Variants in UBA6 observed in about 807,000 individuals in gnomAD.
UBA6 encodes the protein ubiquitin like modifier activating enzyme 6.
UBA6 carries 87 observed loss-of-function variants against 148.3 expected under a neutral mutation model. The ratio of observed to expected loss-of-function variants is 0.59; its 90% CI spans 0.49 to 0.70. UBA6 has a LOEUF of 0.70. UBA6 is among the 30% of genes least tolerant of loss of function. The pLI, the probability that UBA6 is intolerant of heterozygous loss-of-function variation, is 0.00. For missense variants in UBA6, 1,186 were observed against 1,241.2 expected (o/e 0.96, Z 0.67); for synonymous variants, 376 against 401.0 (o/e 0.94, Z 0.75).
At chr4:67,684,786 T>A (rs1730518846) in intron 2 of UBA6, among the ~76,000 whole-genome samples, 1 of 152,248 alleles carries the variant, frequency 6.6e-6, no homozygotes, top group African/African-American at 2.4e-5. Context: ...TGTCTTTGTA[T>A]CTCAGTACCT....
chr4:67,700,325 G>A (rs1353947011), intron 1 of UBA6, among the ~76,000 whole-genome samples: 1 of 152,118 alleles, frequency 6.6e-6, no homozygotes, highest in East Asian at 1.9e-4. Context: ...TCTTTGGCAT[G>A]GTGTATTCTG....
At chr4:67,630,569 T>A (rs767073550) in intron 25 of UBA6, 34 bp from the exon 26 acceptor site, 1 of 1,427,890 alleles carries the variant, frequency 7.0e-7, no homozygotes, top group South Asian at 1.3e-5. Context: ...AAAATTTGAA[T>A]GTACAGTTTT....
intron 1 of UBA6, 41 bp downstream of exon 1, chr4:67,701,008 C>T (rs926935146): frequency 1.9e-6 from 3 of 1,601,432 alleles, no homozygotes; most frequent in Admixed American, 3.3e-5. Context: ...AGCCTGGGTC[C>T]CACCCGCGAC....
chr4:67,663,269 G>GT, intron 11 of UBA6, 54 bp from the exon 12 acceptor site: 2 of 1,168,408 alleles, frequency 1.7e-6, no homozygotes, highest in Non-Finnish European at 2.5e-6. Flanking sequence ...GTATGTCCCA[G>GT]GCACTGGGCT....
At position 67,639,063 on chromosome 4, in the gene UBA6, T is replaced by C. The variant is rs750143338; in HGVS notation, c.1616A>G (p.Asp539Gly). The C allele has an allele frequency of 2.5e-6, 4 of 1,613,522 alleles. No individual in the cohort carries two copies. Among genetic ancestry groups the C allele is most frequent in the Non-Finnish European group, 3.4e-6 (4 of 1,179,810 alleles). ...TLKINSQIKI[D>G]AHLNKVCPTT... ...TGGACATACTTTGTTCAGGTGTGCA[T>C]CTATCTTTATTTGAGAATTTATTTT... Residue 539 changes from aspartate (D) to glycine (G), a missense_variant, in exon 19 of 33, where the codon GAT becomes GGT. Asp to Gly is a moderately conservative substitution (Grantham distance 94, BLOSUM62 -1). Coordinates refer to ENST00000322244, the MANE Select transcript of UBA6 (RefSeq NM_018227.6).
intron 27 of UBA6, among the ~76,000 whole-genome samples, chr4:67,628,637 T>G (rs1006395082): frequency 6.6e-6 from 1 of 151,894 alleles, no homozygotes. Context: ...CCAAAATACA[T>G]TGGTCCAATG....
At chr4:67,626,648 TATGTTATTC>T (rs1289496619) in intron 27 of UBA6, among the ~76,000 whole-genome samples, 171 bp from the exon 28 acceptor site, 1 of 151,930 alleles carries the variant, frequency 6.6e-6, no homozygotes, top group Non-Finnish European at 1.5e-5. Flanking sequence ...AAGGTATTAT[TATGTTATTC>T]ATGTATGTAT....
intron 12 of UBA6, 25 bp downstream of exon 12, chr4:67,663,114 C>T (rs1189990577): frequency 6.4e-7 from 1 of 1,558,388 alleles, no homozygotes. Flanking sequence ...AAGGAAAATA[C>T]TTATTTTTAA....
intron 20 of UBA6, among the ~76,000 whole-genome samples, chr4:67,635,192 A>T (rs961778949): frequency 3.9e-5 from 6 of 152,106 alleles, no homozygotes; most frequent in African/African-American, 1.4e-4. Context: ...ACAATCTTAA[A>T]CTCAAAGGGT....
chr4:67,664,886 T>C (rs1008641054), intron 10 of UBA6, among the ~76,000 whole-genome samples: 5 of 152,160 alleles, frequency 3.3e-5, no homozygotes, highest in Non-Finnish European at 7.4e-5. Context: ...GTAATAAGTA[T>C]GATAAACTCT....
chr4:67,649,236 A>G lies in UBA6; in HGVS notation c.1105-25T>C, dbSNP rs1052416790. 2.1e-5 allele frequency: 34 copies of G among 1,594,130 alleles called. No individual in the cohort carries two copies. In the South Asian group the frequency reaches 2.8e-4, roughly 13 times the overall value. ...GCTAAAACAAAAGCCATAAAAGACAATAACATTAACAGCATTTACACAGTA... is the reference window on the plus strand; with the variant it reads ...GCTAAAACAAAAGCCATAAAAGACAGTAACATTAACAGCATTTACACAGTA... On this transcript the variant is annotated intron_variant, in intron 13 of 32. Coordinates refer to ENST00000322244, the MANE Select transcript of UBA6 (RefSeq NM_018227.6).
chr4:67,635,618 G>T lies in UBA6; in HGVS notation c.1737-60C>A. The stretch of plus-strand genomic sequence containing the variant: ...GTGAGCAATAACAATGTAACCAAAG[G>T]ACAACCTACAACTTTCTATTGACCA... On this transcript the variant is annotated intron_variant, in intron 19 of 32. Coordinates refer to ENST00000322244, the MANE Select transcript of UBA6 (RefSeq NM_018227.6). 6 of 1,019,060 alleles carry T rather than the reference G, an allele frequency of 5.9e-6. 1 individual carries two copies. The South Asian group carries it at 7.7e-5, about 13-fold the overall frequency. 63.1% of individuals were successfully genotyped at this position (1,019,060 alleles called of 1,614,324 possible). A position where few individuals can be genotyped will look rare whatever the true frequency, so the allele number is the denominator to read the frequency against.
chr4:67,613,968 T>C lies in UBA6; in HGVS notation c.*5029A>G, dbSNP rs1018992068. 3 of 152,200 alleles carry C rather than the reference T, an allele frequency of 2.0e-5. No individual in the cohort carries two copies. The highest frequency in any genetic ancestry group is 7.2e-5 in the African/African-American group (3 of 41,438). 9.4% of individuals were successfully genotyped at this position (152,200 alleles called of 1,614,324 possible). A position where few individuals can be genotyped will look rare whatever the true frequency, so the allele number is the denominator to read the frequency against. ...AATCCCCTTTCCCCTTTACCCATTT[T>C]TTTTTTGTCCTTCCTTCCTTTCCAA... On this transcript the variant is annotated 3_prime_UTR_variant, in exon 33 of 33. Transcript: ENST00000322244.
chr4:67,667,761 G>A (rs1336131496), intron 9 of UBA6, among the ~76,000 whole-genome samples: 1 of 152,064 alleles, frequency 6.6e-6, no homozygotes, highest in Non-Finnish European at 1.5e-5. Context: ...TATGATGCCT[G>A]ACATCTTTCC....
intron 2 of UBA6, among the ~76,000 whole-genome samples, chr4:67,690,041 A>G (rs1730659555): frequency 6.6e-6 from 1 of 152,144 alleles, no homozygotes; most frequent in Non-Finnish European, 1.5e-5. Context: ...AAGATATCAC[A>G]GAGCAGACAT....
At position 67,621,083 on chromosome 4, in the gene UBA6, T is replaced by G. The variant is rs149502668; in HGVS notation, c.3023+1748A>C. On this transcript the variant is annotated intron_variant, in intron 32 of 32. Transcript: ENST00000322244. ...GCATTTTTAAATAACCTGCCGCAAATTTTAAACTCCACTAGTCAATACACT... is the reference window on the plus strand; with the variant it reads ...GCATTTTTAAATAACCTGCCGCAAAGTTTAAACTCCACTAGTCAATACACT... 8.1e-3 allele frequency among the ~76,000 whole-genome samples: 1,239 copies of G among 152,304 alleles called. 22 individuals are homozygous for G. Among genetic ancestry groups the G allele is most frequent in the African/African-American group, 0.029 (1,191 of 41,556 alleles).
chr4:67,623,254 T>C (rs201044654), intron 30 of UBA6, 32 bp from the exon 31 acceptor site: 116 of 1,558,002 alleles, frequency 7.4e-5, no homozygotes, highest in East Asian at 4.1e-4. Flanking sequence ...AACAGAAACA[T>C]TGAAATTTTC....
In UBA6 at chr4:67,632,552, G is replaced by A. The variant is rs1215409836; in HGVS notation, c.2143-644C>T. On this transcript the variant is annotated intron_variant, in intron 23 of 32. Transcript: ENST00000322244. ...AAGAGTTCCTTAGATTTTTGAAACG[G>A]GTCATTGATAACCATGTTAAGAACA... is the stretch of plus-strand genomic sequence containing the variant. 2.6e-5 allele frequency among the ~76,000 whole-genome samples: 4 copies of A among 152,260 alleles called. No individual in the cohort carries two copies. The East Asian group carries it at 5.8e-4, about 22-fold the overall frequency.
intron 9 of UBA6, among the ~76,000 whole-genome samples, chr4:67,666,728 AGC>A (rs1730006560): frequency 6.6e-6 from 1 of 151,994 alleles, no homozygotes; most frequent in Non-Finnish European, 1.5e-5. Context: ...TAAAAAAGTT[AGC>A]CAGGTGTGGT....
Sources: allele counts gnomAD v4.1 joint callset (sites outside exome capture counted in the v4.1 genomes callset), GRCh38; gene constraint gnomAD v4.1.1; transcripts MANE v1.5; gene names NCBI Gene and HGNC (gene_info 2026-07-23, HGNC 2026-07-21).